Variants in PPP1R14C observed in about 807,000 individuals in gnomAD.
PPP1R14C encodes the protein protein phosphatase 1 regulatory subunit 14C.
PPP1R14C carries 16 observed loss-of-function variants against 20.4 expected under a neutral mutation model. That is an observed-to-expected ratio of 0.78 (90% CI 0.53 to 1.19). PPP1R14C has a LOEUF of 1.19. Ranked by LOEUF, PPP1R14C falls within the 50% of genes most tolerant of loss-of-function variation. The pLI is 0.00. For missense variants in PPP1R14C, 211 were observed against 220.1 expected (o/e 0.96, Z 0.26); for synonymous variants, 91 against 91.0 (o/e 1.00, Z 0.00).
chr6:150,212,955 G>T (rs1232402991), intron 1 of PPP1R14C, among the ~76,000 whole-genome samples: 1 of 152,156 alleles, frequency 6.6e-6, no homozygotes, highest in Admixed American at 6.5e-5. Flanking sequence ...GCCATCGAAA[G>T]GTCATCCTTC....
rs1778537696 is a variant in PPP1R14C at position 150,249,664 on chromosome 6, C to A, written c.*844C>A. On this transcript the variant is annotated 3_prime_UTR_variant, in exon 4 of 4. Transcript: ENST00000361131. ...GGTATTTTGCATTGGAAAAAGGAAGCACTGTGTAGCAGTGAATTGTCTGCT... is the reference window on the plus strand; with the variant it reads ...GGTATTTTGCATTGGAAAAAGGAAGAACTGTGTAGCAGTGAATTGTCTGCT... 2.5e-6 allele frequency: 1 copy of A among 397,848 alleles called. No homozygotes were observed. The highest frequency in any genetic ancestry group is 4.4e-5 in the Admixed American group (1 of 22,726). 24.6% of individuals were successfully genotyped at this position (397,848 alleles called of 1,614,324 possible).
At chr6:150,169,897 G>T (rs998892578) in intron 1 of PPP1R14C, among the ~76,000 whole-genome samples, 1 of 152,200 alleles carries the variant, frequency 6.6e-6, no homozygotes, top group African/African-American at 2.4e-5. Flanking sequence ...TTTTCAACAT[G>T]ACTTACTCTG....
rs1440539135 is a variant in PPP1R14C, at chr6:150,201,035, A to G, written c.307-13709A>G. Among the ~76,000 whole-genome samples, 1 of 152,230 alleles carries G rather than the reference A, an allele frequency of 6.6e-6. No homozygotes were observed. The highest frequency in any genetic ancestry group is 1.5e-5 in the Non-Finnish European group (1 of 68,046). ...CTGCATCCTGAAAGGCACATAGCACAAGTTGTAGGGGCCATACATTTTGAG... is the reference window on the plus strand; with the variant it reads ...CTGCATCCTGAAAGGCACATAGCACGAGTTGTAGGGGCCATACATTTTGAG... On this transcript the variant is annotated intron_variant, in intron 1 of 3. Coordinates refer to ENST00000361131, the MANE Select transcript of PPP1R14C (RefSeq NM_030949.3). The surrounding 1 kb of genome is among the most constrained non-coding windows in gnomAD (Gnocchi z 4.2).
chr6:150,236,182 A>T lies in PPP1R14C; in HGVS notation c.424-12564A>T, dbSNP rs376054569. 4.6e-5 allele frequency among the ~76,000 whole-genome samples: 7 copies of T among 152,170 alleles called. No individual in the cohort carries two copies. The East Asian group carries it at 1.4e-3, about 29-fold the overall frequency. On this transcript the variant is annotated intron_variant, in intron 3 of 3. Transcript: ENST00000361131. ...TGTGTGACCTCAGACAAACCGCTAA[A>T]CCCTTGTGAGCCTGGTTTATAATAC...
chr6:150,153,529 G>T (rs891082393), intron 1 of PPP1R14C, among the ~76,000 whole-genome samples: 1 of 152,254 alleles, frequency 6.6e-6, no homozygotes, highest in Non-Finnish European at 1.5e-5. Flanking sequence ...AGAAATGCTT[G>T]TGCAAGGAAG....
intron 3 of PPP1R14C, among the ~76,000 whole-genome samples, chr6:150,228,875 C>T (rs369048098): frequency 5.9e-5 from 9 of 152,166 alleles, no homozygotes; most frequent in South Asian, 4.2e-4. Context: ...GGAAAAGCCA[C>T]GTGGGCCTTG....
At chr6:150,202,843 T>C (rs978483468) in intron 1 of PPP1R14C, among the ~76,000 whole-genome samples, 1 of 152,236 alleles carries the variant, frequency 6.6e-6, no homozygotes, top group African/African-American at 2.4e-5. Flanking sequence ...TTTTGTTTTG[T>C]TTTGTTTTAA....
At chr6:150,218,675 G>A (rs1414079076) in intron 3 of PPP1R14C, among the ~76,000 whole-genome samples, 1 of 151,746 alleles carries the variant, frequency 6.6e-6, no homozygotes, top group Non-Finnish European at 1.5e-5. Flanking sequence ...TAGAGACAGG[G>A]TCTCATTCTG....
chr6:150,178,175 G>A (rs1459063923), intron 1 of PPP1R14C, among the ~76,000 whole-genome samples: 3 of 152,170 alleles, frequency 2.0e-5, no homozygotes, highest in South Asian at 4.1e-4. Context: ...GTATCTTGTC[G>A]TCAGTTGCTG....
chr6:150,233,839 G>C lies in PPP1R14C; in HGVS notation c.424-14907G>C, dbSNP rs75099817. ...CTAGTGGCTGGAGCTCATCCTGACA[G>C]CTCAGAGCACGCACCAGGCAGGAAC... On this transcript the variant is annotated intron_variant, in intron 3 of 3. Transcript: ENST00000361131. Among the ~76,000 whole-genome samples the C allele has an allele frequency of 9.1e-3, 1,389 of 152,232 alleles. 25 individuals carry two copies. Among genetic ancestry groups the C allele is most frequent in the African/African-American group, 0.032 (1,334 of 41,544 alleles).
In PPP1R14C at chr6:150,229,849, CT is replaced by C. The variant is rs751274261; in HGVS notation, c.423+12994del. 1.4e-4 allele frequency among the ~76,000 whole-genome samples: 21 copies of C among 152,092 alleles called. 1 individual carries two copies. The highest frequency in any genetic ancestry group is 2.5e-4 in the Non-Finnish European group (17 of 68,018). ...TGGTGCGCCATGCCAGCAAATGAAC[CT>C]CTCGAAAGATAAAAACAACCCCTGC... is the stretch of plus-strand genomic sequence containing the variant. On this transcript the variant is annotated intron_variant, in intron 3 of 3. Transcript: ENST00000361131.
At chr6:150,182,454 C>A (rs1777632728) in intron 1 of PPP1R14C, among the ~76,000 whole-genome samples, 2 of 152,122 alleles carry the variant, frequency 1.3e-5, no homozygotes, top group South Asian at 4.1e-4. Flanking sequence ...CTTGCTGTAT[C>A]CTCACATGGA....
intron 2 of PPP1R14C, among the ~76,000 whole-genome samples, chr6:150,215,391 C>T (rs1778078636): frequency 6.6e-6 from 1 of 152,174 alleles, no homozygotes; most frequent in African/African-American, 2.4e-5. Flanking sequence ...ACTTATTTCC[C>T]TTCCCACAGG....
intron 3 of PPP1R14C, among the ~76,000 whole-genome samples, chr6:150,220,147 G>A (rs890881789): frequency 6.6e-6 from 1 of 152,176 alleles, no homozygotes; most frequent in Non-Finnish European, 1.5e-5. Context: ...GAGCCACCGC[G>A]CCCGGCCAAG....
At chr6:150,211,590 T>C (rs1049984283) in intron 1 of PPP1R14C, among the ~76,000 whole-genome samples, 1 of 152,218 alleles carries the variant, frequency 6.6e-6, no homozygotes, top group Non-Finnish European at 1.5e-5. Flanking sequence ...AAGATCAGCA[T>C]ACAGAAGATA....
rs1052095518 is a variant in PPP1R14C, at chr6:150,246,344, T to G, written c.424-2402T>G. On this transcript the variant is annotated intron_variant, in intron 3 of 3. Coordinates refer to ENST00000361131, the MANE Select transcript of PPP1R14C (RefSeq NM_030949.3). ...CTTACATTCAAATACTGAAACTTTT[T>G]GTAGTAGTCATATGCATAACAGATT... is the stretch of plus-strand genomic sequence containing the variant. Among the ~76,000 whole-genome samples the G allele has an allele frequency of 1.8e-4, 27 of 152,146 alleles. 1 individual carries two copies. The highest frequency in any genetic ancestry group is 3.5e-4 in the Non-Finnish European group (24 of 68,000).
chr6:150,201,697 C>T lies in PPP1R14C; in HGVS notation c.307-13047C>T, dbSNP rs115401795. 4.1e-3 allele frequency among the ~76,000 whole-genome samples: 617 copies of T among 152,202 alleles called. 4 individuals carry two copies. The highest frequency in any genetic ancestry group is 0.014 in the African/African-American group (578 of 41,522). ...GGCTACAGAGTGGAAACTGGGATGG[C>T]GGAGGCATGAGGGTGAGTTTATGGA... On this transcript the variant is annotated intron_variant, in intron 1 of 3. Transcript: ENST00000361131. This position sits in a 1 kb window ranked among gnomAD's most constrained non-coding sequence, Gnocchi z 4.2.
chr6:150,236,373 T>C (rs1327454269), intron 3 of PPP1R14C, among the ~76,000 whole-genome samples: 1 of 152,142 alleles, frequency 6.6e-6, no homozygotes, highest in Non-Finnish European at 1.5e-5. Context: ...TAGGAAAGAA[T>C]AGTCTCGGGT....
At chr6:150,164,937 C>A (rs1333109451) in intron 1 of PPP1R14C, among the ~76,000 whole-genome samples, 1 of 152,206 alleles carries the variant, frequency 6.6e-6, no homozygotes, top group East Asian at 1.9e-4. Flanking sequence ...AGCTCTCTTT[C>A]TCTGCACTCC....
Sources: allele counts gnomAD v4.1 joint callset (sites outside exome capture counted in the v4.1 genomes callset), GRCh38; gene constraint gnomAD v4.1.1; non-coding constraint Gnocchi (gnomAD v3.1); transcripts MANE v1.5; gene names NCBI Gene and HGNC (gene_info 2026-07-23, HGNC 2026-07-21).